Variants in GLG1 observed in about 807,000 individuals in gnomAD.
The protein encoded by GLG1 is Golgi apparatus protein 1.
Under a neutral mutation model 160.5 loss-of-function variants are expected in GLG1, and 38 were observed. The observed-to-expected ratio is 0.24, with a 90% CI of 0.18 to 0.31. The LOEUF (loss-of-function observed/expected upper bound fraction) is 0.31. GLG1 is among the 10% of genes least tolerant of loss of function. GLG1 has a pLI of 1.00. For missense variants in GLG1, 1,373 were observed against 1,505.2 expected (o/e 0.91, Z 1.45); for synonymous variants, 644 against 543.4 (o/e 1.19, Z -2.57).
intron 2 of GLG1, among the ~76,000 whole-genome samples, chr16:74,513,408 C>T (rs1228519015): frequency 6.6e-6 from 1 of 152,114 alleles, no homozygotes; most frequent in Non-Finnish European, 1.5e-5. Flanking sequence ...ATATCTCATA[C>T]AGGCAGGTGC....
At chr16:74,474,460 G>C (rs1273003246) in intron 13 of GLG1, 86 bp downstream of exon 13, 2 of 763,862 alleles carry the variant, frequency 2.6e-6, no homozygotes, top group Non-Finnish European at 4.8e-6. Flanking sequence ...TGCACTCTCA[G>C]GAGTCTAGAA....
intron 1 of GLG1, among the ~76,000 whole-genome samples, chr16:74,575,296 ACTGT>A (rs1414594046): frequency 5.3e-5 from 8 of 152,038 alleles, no homozygotes; most frequent in Non-Finnish European, 1.0e-4. Flanking sequence ...AAATGAGTAA[ACTGT>A]CTGAATCACA....
At chr16:74,568,350 G>A (rs1241600938) in intron 1 of GLG1, among the ~76,000 whole-genome samples, 1 of 151,546 alleles carries the variant, frequency 6.6e-6, no homozygotes. Context: ...GATATAGTGA[G>A]GAACATGAAC....
At chr16:74,561,502 C>T (rs2018513466) in intron 1 of GLG1, among the ~76,000 whole-genome samples, 1 of 152,066 alleles carries the variant, frequency 6.6e-6, no homozygotes, top group African/African-American at 2.4e-5. Flanking sequence ...GGTAAGAATT[C>T]CCAGAACTTT....
intron 1 of GLG1, among the ~76,000 whole-genome samples, chr16:74,581,232 G>A (rs1957931543): frequency 6.6e-6 from 1 of 152,114 alleles, no homozygotes; most frequent in Admixed American, 6.5e-5. Flanking sequence ...CCAAAAGGTA[G>A]AAGCAATTCA....
At chr16:74,464,864 A>G (rs2143201035) in intron 19 of GLG1, among the ~76,000 whole-genome samples, 1 of 152,012 alleles carries the variant, frequency 6.6e-6, no homozygotes, top group East Asian at 1.9e-4. Flanking sequence ...CTTTTTTGAG[A>G]CAGAGTCTTA....
Position 74,503,657 on chromosome 16 carries a change from A to G in GLG1, c.648T>C (p.Cys216=). Residue 216 remains cysteine (C), a synonymous_variant, in exon 4 of 26, where the codon TGT becomes TGC. Transcript: ENST00000422840. ...DHRGNITEYQ[C]HQYITKMTAI... is the part of the protein sequence containing the mutation. The stretch of plus-strand genomic sequence containing the variant: ...CCGTCATCTTGGTAATGTACTGGTG[A>G]CACTGATACTCAGTGATGTTGCCTC... The G allele has an allele frequency of 6.2e-7, 1 of 1,610,848 alleles. No homozygotes were observed. Among genetic ancestry groups the G allele is most frequent in the Non-Finnish European group, 8.5e-7 (1 of 1,176,966 alleles).
At chr16:74,533,276 G>A (rs1333765711) in intron 1 of GLG1, among the ~76,000 whole-genome samples, 2 of 152,130 alleles carry the variant, frequency 1.3e-5, no homozygotes, top group Admixed American at 6.5e-5. Context: ...AACCGAGATC[G>A]CACCACTGCA....
chr16:74,584,565 G>T (rs1958004645), intron 1 of GLG1, among the ~76,000 whole-genome samples: 1 of 152,080 alleles, frequency 6.6e-6, no homozygotes. Context: ...GCATAAGAAT[G>T]ATATAATGAA....
intron 13 of GLG1, among the ~76,000 whole-genome samples, chr16:74,473,582 G>T (rs1289699346): frequency 6.6e-6 from 1 of 151,528 alleles, no homozygotes; most frequent in African/African-American, 2.4e-5. Context: ...TGGGACTACA[G>T]GCACCCGCCA....
At chr16:74,575,624 A>G (rs1031336678) in intron 1 of GLG1, among the ~76,000 whole-genome samples, 2 of 152,088 alleles carry the variant, frequency 1.3e-5, no homozygotes, top group African/African-American at 4.8e-5. Flanking sequence ...TTTGAGACAG[A>G]GTCTCCCTCT....
At chr16:74,559,615 T>A (rs933909393) in intron 1 of GLG1, among the ~76,000 whole-genome samples, 3 of 152,176 alleles carry the variant, frequency 2.0e-5, no homozygotes, top group Non-Finnish European at 4.4e-5. Flanking sequence ...AATATGCAGA[T>A]AGTCTTGGAT....
At chr16:74,489,548 A>C (rs2015909636) in intron 8 of GLG1, among the ~76,000 whole-genome samples, 1 of 152,072 alleles carries the variant, frequency 6.6e-6, no homozygotes, top group Non-Finnish European at 1.5e-5. Context: ...TGAAGTGCAA[A>C]TATAGGCTGT....
intron 1 of GLG1, among the ~76,000 whole-genome samples, chr16:74,579,861 G>C (rs1356123728): frequency 6.6e-6 from 1 of 151,694 alleles, no homozygotes; most frequent in African/African-American, 2.4e-5. Context: ...TCAAGAGATA[G>C]AGACCATCCT....
At position 74,480,313 on chromosome 16, in the gene GLG1, T is replaced by C. The variant is rs2015553129; in HGVS notation, c.1755A>G (p.Glu585=). 6.2e-7 allele frequency: 1 copy of C among 1,613,364 alleles called. No individual in the cohort carries two copies. Among genetic ancestry groups the C allele is most frequent in the Non-Finnish European group, 8.5e-7 (1 of 1,179,242 alleles). The stretch of plus-strand genomic sequence containing the variant: ...AGAACACAGCTCCCTGAGGCATAAA[T>C]TCACTGGTCTCATTCCAACCGTGGG... ...CHTHGWNETS[E]FMPQGAVFSC... The change falls in exon 11 of 26, where the codon GAA becomes GAG. Residue 585 remains glutamate (E), a synonymous_variant. Coordinates refer to ENST00000422840, the MANE Select transcript of GLG1 (RefSeq NM_001145667.2).
chr16:74,569,608 T>A (rs1489576967), intron 1 of GLG1, among the ~76,000 whole-genome samples: 1 of 152,280 alleles, frequency 6.6e-6, no homozygotes, highest in East Asian at 1.9e-4. Context: ...ACACTTGTAA[T>A]CCCAGCACTT....
At chr16:74,539,998 TATATA>T (rs1334000393) in intron 1 of GLG1, among the ~76,000 whole-genome samples, 7,534 of 8,958 alleles carry the variant, frequency 0.84, 3,469 homozygotes, top group East Asian at 1. Flanking sequence ...ATATATATTT[TATATA>T]TATATATTTT....
intron 1 of GLG1, among the ~76,000 whole-genome samples, chr16:74,543,055 G>C (rs2143663216): frequency 6.6e-6 from 1 of 151,968 alleles, no homozygotes; most frequent in African/African-American, 2.4e-5. Context: ...CTTCCATACT[G>C]ACCCGTGGTG....
chr16:74,581,169 G>C (rs995063254), intron 1 of GLG1, among the ~76,000 whole-genome samples: 1 of 152,078 alleles, frequency 6.6e-6, no homozygotes, highest in Non-Finnish European at 1.5e-5. Flanking sequence ...TGAACACAGG[G>C]TCTCAAAGAG....
Sources: gnomAD v4.1 joint callset for allele counts (sites outside exome capture counted in the v4.1 genomes callset) on GRCh38, gnomAD v4.1.1 for gene constraint, MANE v1.5 for transcripts, NCBI Gene and HGNC (gene_info 2026-07-23, HGNC 2026-07-21) for gene names.